The following CTBP2 variants were observed in gnomAD, a reference collection of about 807,000 sequenced individuals.
The protein encoded by CTBP2 is C-terminal-binding protein 2.
Under a neutral mutation model 80.3 loss-of-function variants are expected in CTBP2, and 30 were observed. The ratio of observed to expected loss-of-function variants is 0.37; its 90% CI spans 0.28 to 0.51. The LOEUF (loss-of-function observed/expected upper bound fraction) is 0.51, where lower values mean the gene tolerates loss of function less well. Ranked by LOEUF, CTBP2 falls within the 20% of genes least tolerant of loss-of-function variation. The probability of loss-of-function intolerance (pLI) is 0.93; values close to 1 mark genes in which losing one functional copy is unlikely to be tolerated. For synonymous variants in CTBP2, 594 were observed against 587.4 expected (o/e 1.01, Z -0.16); for missense variants, 1,212 against 1,375.3 (o/e 0.88, Z 1.88).
chr10:125,134,503 A>G (rs1856655577), intron 1 of CTBP2, among the ~76,000 whole-genome samples: 1 of 152,150 alleles, frequency 6.6e-6, no homozygotes, highest in African/African-American at 2.4e-5. Flanking sequence ...TCTGAACCCC[A>G]GGTAGGGACC....
At chr10:125,139,809 C>CT (rs1565019420) in intron 1 of CTBP2, among the ~76,000 whole-genome samples, 1 of 152,158 alleles carries the variant, frequency 6.6e-6, no homozygotes, top group Non-Finnish European at 1.5e-5. Flanking sequence ...TTGTGGCTGC[C>CT]TAGAACTGCG....
chr10:125,027,214 CCTG>C lies in CTBP2; in HGVS notation c.543_545del (p.Ser181del). 1.2e-6 allele frequency: 2 copies of C among 1,612,880 alleles called. No homozygotes were observed. Among genetic ancestry groups the C allele is most frequent in the South Asian group, 2.2e-5 (2 of 91,060 alleles). The stretch of plus-strand genomic sequence containing the variant: ...GTCCATACCGCCCGGGAGATGCAGC[CCTG>C]CTCTGTGTCTGCCGCCCCTGAGGGA... On this transcript the variant is annotated inframe_deletion, in exon 1 of 9. Coordinates refer to ENST00000309035, the MANE Select transcript of CTBP2 (RefSeq NM_022802.3).
In CTBP2 at chr10:125,026,567, CG is replaced by C. The variant is rs764140215; in HGVS notation, c.1192del (p.Arg398GlufsTer50). 1 of 1,541,356 alleles carries C rather than the reference CG, an allele frequency of 6.5e-7. No homozygotes were observed. The highest frequency in any genetic ancestry group is 8.7e-7 in the Non-Finnish European group (1 of 1,145,180). ...GGGACGGCGAGCCGGGTCTCCAGCTCGGGGGGATGCTGTCTGCAGAGGAGCC... is the reference window on the plus strand; with the variant it reads ...GGGACGGCGAGCCGGGTCTCCAGCTCGGGGGATGCTGTCTGCAGAGGAGCC... On this transcript the variant is annotated frameshift_variant, in exon 1 of 9. Coordinates refer to ENST00000309035, the MANE Select transcript of CTBP2 (RefSeq NM_022802.3). LOFTEE classifies it high-confidence loss of function.
intron 2 of CTBP2, among the ~76,000 whole-genome samples, chr10:125,043,720 G>C (rs1005111886): frequency 6.6e-6 from 1 of 151,956 alleles, no homozygotes; most frequent in East Asian, 1.9e-4. Context: ...ATAGGTGTAA[G>C]CAACCGTGCC....
intron 1 of CTBP2, among the ~76,000 whole-genome samples, chr10:125,022,222 C>A (rs9664044): frequency 6.6e-6 from 1 of 152,054 alleles, no homozygotes; most frequent in Non-Finnish European, 1.5e-5. Context: ...GCTGTAGGGA[C>A]GCTCTTCCAA....
chr10:125,067,944 C>T (rs76085121), intron 2 of CTBP2, among the ~76,000 whole-genome samples: 3,427 of 152,262 alleles, frequency 0.023, 154 homozygotes, highest in African/African-American at 0.079. Flanking sequence ...TAGGAGGCAC[C>T]CCCAATTTCA....
intron 1 of CTBP2, among the ~76,000 whole-genome samples, chr10:125,023,401 C>T (rs956320986): frequency 3.9e-5 from 6 of 152,196 alleles, no homozygotes; most frequent in Admixed American, 6.5e-5. Context: ...CCCATTCGTT[C>T]GTTGTTTCTG....
chr10:125,065,338 C>CTG (rs34053250), intron 2 of CTBP2, among the ~76,000 whole-genome samples: 37,688 of 152,094 alleles, frequency 0.25, 5,017 homozygotes, highest in African/African-American at 0.35. Flanking sequence ...ACACATGAAT[C>CTG]TGTGCTTTTC....
chr10:124,985,089 C>A lies in CTBP2; in HGVS notation c.*4429G>T. ...AGCAGAGTCGACATCATGGAATGAA[C>A]CAAATCTGGCAGGATCTGCTCGGGG... On this transcript the variant is annotated 3_prime_UTR_variant, in exon 9 of 9. Transcript: ENST00000309035. 1.0e-6 allele frequency: 1 copy of A among 958,152 alleles called. No homozygotes were observed. Among genetic ancestry groups the A allele is most frequent in the Non-Finnish European group, 1.6e-6 (1 of 634,752 alleles). The allele number at this position is 958,152 out of a possible 1,614,324, so 59.4% of individuals were successfully genotyped here.
At chr10:125,007,217 T>C (rs940060405) in intron 1 of CTBP2, among the ~76,000 whole-genome samples, 2 of 152,228 alleles carry the variant, frequency 1.3e-5, no homozygotes, top group African/African-American at 4.8e-5. Context: ...ACATTAACTG[T>C]GTAGAGCAGA....
intron 1 of CTBP2, among the ~76,000 whole-genome samples, chr10:125,144,936 G>T (rs999346266): frequency 1.8e-4 from 27 of 152,324 alleles, no homozygotes; most frequent in African/African-American, 6.5e-4. Flanking sequence ...AAGTGCATCT[G>T]AATACGGAAC....
chr10:125,145,848 G>A (rs938858539), intron 1 of CTBP2, among the ~76,000 whole-genome samples: 5 of 152,142 alleles, frequency 3.3e-5, no homozygotes, highest in African/African-American at 9.7e-5. Flanking sequence ...GGCCAGCTGA[G>A]ATGCCCTTGC....
At position 125,027,212 on chromosome 10, in the gene CTBP2, GC is replaced by G; in HGVS notation, c.547del (p.Ala183LeufsTer71). 1.2e-6 allele frequency: 2 copies of G among 1,612,734 alleles called. No individual in the cohort carries two copies. Among genetic ancestry groups the G allele is most frequent in the South Asian group, 2.2e-5 (2 of 91,064 alleles). On this transcript the variant is annotated frameshift_variant, in exon 1 of 9. Coordinates refer to ENST00000309035, the MANE Select transcript of CTBP2 (RefSeq NM_022802.3). LOFTEE classifies it high-confidence loss of function. Reference sequence around the variant, plus strand: ...CCGTCCATACCGCCCGGGAGATGCAGCCCTGCTCTGTGTCTGCCGCCCCTGA... The same window carrying G: ...CCGTCCATACCGCCCGGGAGATGCAGCCTGCTCTGTGTCTGCCGCCCCTGA...
intron 1 of CTBP2, chr10:125,122,907 C>G (rs1854576115): frequency 6.6e-6 from 1 of 152,218 alleles, no homozygotes; most frequent in South Asian, 2.1e-4. Flanking sequence ...CAGAAACCAA[C>G]CAGCCATACA....
chr10:125,152,685 CTT>C (rs1403001040), intron 1 of CTBP2, among the ~76,000 whole-genome samples: 2 of 152,140 alleles, frequency 1.3e-5, no homozygotes, highest in African/African-American at 4.8e-5. Context: ...AAAATATACT[CTT>C]TATTGATTGC....
chr10:125,116,827 C>T (rs74394465), intron 1 of CTBP2, among the ~76,000 whole-genome samples: 6 of 152,320 alleles, frequency 3.9e-5, no homozygotes, highest in East Asian at 3.9e-4. Flanking sequence ...ATTTCAAGTT[C>T]AAGGGCAGCG....
intron 1 of CTBP2, among the ~76,000 whole-genome samples, chr10:125,130,925 G>A (rs935290431): frequency 6.6e-6 from 1 of 152,168 alleles, no homozygotes; most frequent in African/African-American, 2.4e-5. Flanking sequence ...CCTGGGTATC[G>A]CCTCCGACCC....
At position 124,993,914 on chromosome 10, in the gene CTBP2, G is replaced by A. The variant is rs1186255011; in HGVS notation, c.2472C>T (p.Ala824=). 8 of 1,614,172 alleles carry A rather than the reference G, an allele frequency of 5.0e-6. No homozygotes were observed. Among genetic ancestry groups the A allele is most frequent in the Admixed American group, 1.7e-5 (1 of 60,026 alleles). The change falls in exon 6 of 9, where the codon GCC becomes GCT. Residue 824 remains alanine (A), a synonymous_variant. Transcript: ENST00000309035. ...CCCCTCGTATCCTGCCCTCCTTGAG[G>A]GCTTGTGCTAAGGCTTTCTCGTCCA...
intron 2 of CTBP2, among the ~76,000 whole-genome samples, chr10:125,044,640 T>C (rs1471006415): frequency 6.6e-6 from 1 of 152,220 alleles, no homozygotes; most frequent in Non-Finnish European, 1.5e-5. Flanking sequence ...CAGTGGCGTG[T>C]GCCTCTAGTC....
Sources: gnomAD v4.1 joint callset for allele counts (sites outside exome capture counted in the v4.1 genomes callset) on GRCh38, gnomAD v4.1.1 for gene constraint, MANE v1.5 for transcripts, NCBI Gene and HGNC (gene_info 2026-07-23, HGNC 2026-07-21) for gene names.